Variants in LSM14A observed in about 807,000 individuals in gnomAD.
LSM14A encodes the protein protein LSM14 homolog A.
Under a neutral mutation model 52.4 loss-of-function variants are expected in LSM14A, and 14 were observed. That is an observed-to-expected ratio of 0.27 (90% CI 0.18 to 0.42). The LOEUF is 0.42. Among genes scored for constraint, LSM14A ranks in the 10% least tolerant of loss-of-function variants. LSM14A has a pLI of 1.00. For synonymous variants in LSM14A, 185 were observed against 200.3 expected, an observed-to-expected ratio of 0.92 and a Z score of 0.64; for missense variants, 417 against 581.8, an observed-to-expected ratio of 0.72 and a Z score of 2.91.
At chr19:34,174,243 C>G (rs1251264662) in intron 1 of LSM14A, among the ~76,000 whole-genome samples, 2 of 152,210 alleles carry the variant, frequency 1.3e-5, no homozygotes, top group African/African-American at 2.4e-5. Context: ...GCCACCGCGC[C>G]CAGCCTCTGG....
At chr19:34,182,654 G>A (rs898548188) in intron 1 of LSM14A, among the ~76,000 whole-genome samples, 4 of 148,418 alleles carry the variant, frequency 2.7e-5, no homozygotes, top group Middle Eastern at 3.2e-3. Flanking sequence ...TGGCTAACAT[G>A]GTGAAACCCC....
At chr19:34,193,212 G>A (rs1817410337) in intron 1 of LSM14A, among the ~76,000 whole-genome samples, 2 of 152,224 alleles carry the variant, frequency 1.3e-5, no homozygotes. Context: ...CCAGGCTGCA[G>A]TGCAGCCACG....
chr19:34,179,837 C>G (rs2069348591), intron 1 of LSM14A, among the ~76,000 whole-genome samples: 1 of 152,142 alleles, frequency 6.6e-6, no homozygotes, highest in African/African-American at 2.4e-5. Flanking sequence ...CTAGAAGATG[C>G]TTGCTATAGA....
intron 1 of LSM14A, 67 bp downstream of exon 1, chr19:34,172,830 G>GC: frequency 6.8e-7 from 1 of 1,473,066 alleles, no homozygotes. Context: ...CCCCGCTCCG[G>GC]CCCGCGGCCT....
intron 1 of LSM14A, among the ~76,000 whole-genome samples, chr19:34,174,569 TG>T (rs759788096): frequency 3.9e-5 from 6 of 152,194 alleles, no homozygotes; most frequent in Non-Finnish European, 5.9e-5. Context: ...GTATGATGGA[TG>T]GTATTTGGTG....
At chr19:34,209,467 C>T (rs1224513009) in intron 4 of LSM14A, among the ~76,000 whole-genome samples, 1 of 152,144 alleles carries the variant, frequency 6.6e-6, no homozygotes, top group African/African-American at 2.4e-5. Flanking sequence ...AGTAGTGGTT[C>T]TCAGTGTAGG....
In LSM14A at chr19:34,194,604, C is replaced by G. The variant is rs765892001; in HGVS notation, c.248C>G (p.Pro83Arg). The G allele has an allele frequency of 6.2e-7, 1 of 1,614,154 alleles. No homozygotes were observed. Among genetic ancestry groups the G allele is most frequent in the East Asian group, 2.2e-5 (1 of 44,886 alleles). ...KDLTVCEPPK[P>R]QCSLPQDPAI... ...CTTACTGTTTGTGAGCCACCAAAAC[C>G]ACAGTGTTCTTTGCCTCAAGACCCA... Residue 83 changes from proline to arginine, a missense_variant, in exon 2 of 10, where the codon CCA becomes CGA. This residue lies in a region of LSM14A where 60 missense variants were observed against 124.8 expected (regional missense o/e 0.48). Coordinates refer to ENST00000544216, the MANE Select transcript of LSM14A (RefSeq NM_015578.4).
chr19:34,221,880 C>T (rs989867110), intron 9 of LSM14A, 142 bp downstream of exon 9: 36 of 1,416,580 alleles, frequency 2.5e-5, no homozygotes, highest in East Asian at 7.5e-5. Context: ...AGAGGATATA[C>T]GTGATTCAGA....
intron 3 of LSM14A, among the ~76,000 whole-genome samples, chr19:34,207,216 C>G (rs1418146691): frequency 1.3e-5 from 2 of 152,082 alleles, no homozygotes; most frequent in Admixed American, 6.6e-5. Context: ...TTGCTCTAAC[C>G]ATTGAATGCG....
At chr19:34,217,832 A>C (rs1253011268) in intron 6 of LSM14A, among the ~76,000 whole-genome samples, 1 of 151,290 alleles carries the variant, frequency 6.6e-6, no homozygotes, top group Non-Finnish European at 1.5e-5. Context: ...CTTTTTATTC[A>C]GAAAAAGAGA....
At chr19:34,201,400 T>C (rs1269721745) in intron 3 of LSM14A, among the ~76,000 whole-genome samples, 2 of 152,210 alleles carry the variant, frequency 1.3e-5, no homozygotes, top group Non-Finnish European at 2.9e-5. Flanking sequence ...TAGAGTGCAG[T>C]GGTGCGATCT....
At chr19:34,216,180 G>A (rs1007467756) in intron 6 of LSM14A, among the ~76,000 whole-genome samples, 1 of 152,088 alleles carries the variant, frequency 6.6e-6, no homozygotes, top group Non-Finnish European at 1.5e-5. Context: ...TTGGGAGGCC[G>A]GGGCGGGCGG....
At position 34,219,404 on chromosome 19, in the gene LSM14A, T is replaced by C. The variant is rs545154456; in HGVS notation, c.795T>C (p.Pro265=). ...DNKRQVAPGA[P]SAPRRGRGGH... ...TTATTATCATAGCTCCAGGTGCTCC[T>C]TCAGCTCCAAGGAGAGGGCGTGGGG... The change falls in exon 7 of 10, where the codon CCT becomes CCC. Residue 265 remains proline, a synonymous_variant. Transcript: ENST00000544216. 3.5e-5 allele frequency: 56 copies of C among 1,608,908 alleles called. 2 individuals carry two copies. The South Asian group carries it at 6.1e-4, about 18-fold the overall frequency.
intron 1 of LSM14A, among the ~76,000 whole-genome samples, chr19:34,182,928 C>T (rs1022223476): frequency 4.0e-5 from 6 of 151,776 alleles, no homozygotes; most frequent in Non-Finnish European, 8.8e-5. Flanking sequence ...CTCCCCTCTC[C>T]CCCTCCTCTT....
At chr19:34,219,615 T>C (rs758392181) in intron 7 of LSM14A, 42 bp downstream of exon 7, 1 of 1,586,636 alleles carries the variant, frequency 6.3e-7, no homozygotes, top group East Asian at 2.2e-5. Context: ...TCTTATTTGA[T>C]CTGTGAATTA....
At chr19:34,213,400 A>G (rs1456240795) in intron 4 of LSM14A, among the ~76,000 whole-genome samples, 1 of 152,202 alleles carries the variant, frequency 6.6e-6, no homozygotes, top group African/African-American at 2.4e-5. Flanking sequence ...GCACATTTGT[A>G]AGTGCATACT....
intron 1 of LSM14A, among the ~76,000 whole-genome samples, chr19:34,182,245 A>G (rs186492915): frequency 3.9e-5 from 6 of 152,228 alleles, no homozygotes; most frequent in South Asian, 2.1e-4. Context: ...GTAGGTGACA[A>G]ATTTTCTTAG....
intron 1 of LSM14A, among the ~76,000 whole-genome samples, chr19:34,184,404 A>G (rs2069733606): frequency 6.6e-6 from 1 of 152,172 alleles, no homozygotes; most frequent in Admixed American, 6.5e-5. Context: ...TAATATTAAA[A>G]CATTCTTGCA....
chr19:34,221,820 G>A, intron 9 of LSM14A, 82 bp downstream of exon 9: 1 of 1,502,920 alleles, frequency 6.7e-7, no homozygotes, highest in Non-Finnish European at 8.9e-7. Flanking sequence ...TTTTGTTTTG[G>A]GTGAATTGTT....
Sources: allele counts gnomAD v4.1 joint callset (sites outside exome capture counted in the v4.1 genomes callset), GRCh38; gene constraint gnomAD v4.1.1; regional missense constraint gnomAD v4.1.1; transcripts MANE v1.5; gene names NCBI Gene and HGNC (gene_info 2026-07-23, HGNC 2026-07-21).